Variants in MSL1 observed in about 807,000 individuals in gnomAD.
MSL1 encodes the protein male-specific lethal 1 homolog.
Under a neutral mutation model 64.6 loss-of-function variants are expected in MSL1, and 21 were observed. The observed-to-expected ratio is 0.33, with a 90% CI of 0.23 to 0.47. The LOEUF (loss-of-function observed/expected upper bound fraction) is 0.47, where lower values mean the gene tolerates loss of function less well. Ranked by LOEUF, MSL1 falls within the 20% of genes least tolerant of loss-of-function variation. MSL1 has a pLI of 1.00. For synonymous variants in MSL1, 339 were observed against 329.6 expected (o/e 1.03, Z -0.31); for missense variants, 664 against 793.2 (o/e 0.84, Z 1.96).
At chr17:40,133,273 T>C in intron 6 of MSL1, 164 bp downstream of exon 6, 2 of 759,522 alleles carry the variant, frequency 2.6e-6, no homozygotes, top group Non-Finnish European at 4.2e-6. Context: ...TTGGAAATGG[T>C]AGTTGTTGCG....
Position 40,122,552 on chromosome 17 carries a change from G to GCAC in MSL1, c.-59_-57dup. 1 of 751,372 alleles carries GCAC rather than the reference G, an allele frequency of 1.3e-6. No individual in the cohort carries two copies. Among genetic ancestry groups the GCAC allele is most frequent in the South Asian group, 4.1e-5 (1 of 24,540 alleles). 46.5% of individuals were successfully genotyped at this position (751,372 alleles called of 1,614,324 possible). A position where few individuals can be genotyped will look rare whatever the true frequency, so the allele number is the denominator to read the frequency against. On this transcript the variant is annotated 5_prime_UTR_variant, in exon 1 of 9. Coordinates refer to ENST00000398532, the MANE Select transcript of MSL1 (RefSeq NM_001365919.1). The surrounding 1 kb of genome is among the most constrained non-coding windows in gnomAD (Gnocchi z 4.2). ...CCCCCCCCTCAGTCCTCGACCCCCC[G>GCAC]CACCTCGCCCCTTCCCCACCCCCTC...
Position 40,122,526 on chromosome 17 carries a change from T to TC in MSL1, c.-79dup, listed in dbSNP as rs560044952. On this transcript the variant is annotated 5_prime_UTR_variant, in exon 1 of 9. Transcript: ENST00000398532. This position sits in a 1 kb window ranked among gnomAD's most constrained non-coding sequence, Gnocchi z 4.2. Reference sequence around the variant, plus strand: ...CTGAGGCGAGCCCGCCAAACTCCCCTCCCCCCCCTCAGTCCTCGACCCCCC... The same window carrying TC: ...CTGAGGCGAGCCCGCCAAACTCCCCTCCCCCCCCCTCAGTCCTCGACCCCCC... 107 of 569,170 alleles carry TC rather than the reference T, an allele frequency of 1.9e-4. No individual in the cohort carries two copies. The highest frequency in any genetic ancestry group is 1.7e-3 in the South Asian group (37 of 21,312). 35.3% of individuals were successfully genotyped at this position (569,170 alleles called of 1,614,324 possible). A position where few individuals can be genotyped will look rare whatever the true frequency, so the allele number is the denominator to read the frequency against.
rs189736422 is a variant in MSL1, at chr17:40,131,512, T to G, written c.1376-25T>G. The G allele has an allele frequency of 9.9e-4, 1,596 of 1,611,002 alleles. No homozygotes were observed. The highest frequency in any genetic ancestry group is 1.3e-3 in the Non-Finnish European group (1,488 of 1,177,392). On this transcript the variant is annotated intron_variant, in intron 3 of 8. Transcript: ENST00000398532. The surrounding 1 kb of genome is among the most constrained non-coding windows in gnomAD (Gnocchi z 4.5). ...GCTTTTTTTCTTTTTACACTGAGAT[T>G]ATTCTTCTTTCCTGCATTATTTAGG...
chr17:40,126,517 C>A, intron 2 of MSL1, 111 bp downstream of exon 2: 12 of 1,030,712 alleles, frequency 1.2e-5, no homozygotes, highest in Non-Finnish European at 1.7e-5. Context: ...TAGAAGTCTT[C>A]TATGCGGAGG....
Position 40,129,582 on chromosome 17 carries a change from T to C in MSL1, c.1330T>C (p.Leu444=), listed in dbSNP as rs772867296. ...CRWHQPPPSP[L]PLRESSPKKE... Reference sequence around the variant, plus strand: ...TTGGCACCAGCCTCCCCCATCACCGTTACCATTACGGGAATCCTCTCCAAA... The same window carrying C: ...TTGGCACCAGCCTCCCCCATCACCGCTACCATTACGGGAATCCTCTCCAAA... Residue 444 remains leucine, a synonymous_variant, in exon 3 of 9, where the codon TTA becomes CTA. Transcript: ENST00000398532. 1 of 1,612,692 alleles carries C rather than the reference T, an allele frequency of 6.2e-7. No homozygotes were observed. The highest frequency in any genetic ancestry group is 1.3e-5 in the African/African-American group (1 of 74,898).
In MSL1 at chr17:40,131,627, G is replaced by A; in HGVS notation, c.1423+43G>A. 1 of 1,580,222 alleles carries A rather than the reference G, an allele frequency of 6.3e-7. No individual in the cohort carries two copies. The highest frequency in any genetic ancestry group is 8.7e-7 in the Non-Finnish European group (1 of 1,149,208). On this transcript the variant is annotated intron_variant, in intron 4 of 8. Transcript: ENST00000398532. This position sits in a 1 kb window ranked among gnomAD's most constrained non-coding sequence, Gnocchi z 4.5. ...TGTGCTGGCTGGGCCTGGGGTGGGG[G>A]TTGGTGGGATGGTGGATGGTTGGGA...
At chr17:40,130,579 T>C (rs1387752938) in intron 3 of MSL1, among the ~76,000 whole-genome samples, 1 of 152,192 alleles carries the variant, frequency 6.6e-6, no homozygotes, top group Admixed American at 6.5e-5. Flanking sequence ...AGGATGGGGA[T>C]AGAAATCCAT....
Position 40,122,544 on chromosome 17 carries a change from G to T in MSL1, c.-69G>T. 1.8e-6 allele frequency: 2 copies of T among 1,092,132 alleles called. No homozygotes were observed. The highest frequency in any genetic ancestry group is 2.4e-6 in the Non-Finnish European group (2 of 843,910). The allele number at this position is 1,092,132 out of a possible 1,614,324, so 67.7% of individuals were successfully genotyped here. On this transcript the variant is annotated 5_prime_UTR_variant, in exon 1 of 9. Transcript: ENST00000398532. This position sits in a 1 kb window ranked among gnomAD's most constrained non-coding sequence, Gnocchi z 4.2. ...ACTCCCCTCCCCCCCCTCAGTCCTCGACCCCCCGCACCTCGCCCCTTCCCC... is the reference window on the plus strand; with the variant it reads ...ACTCCCCTCCCCCCCCTCAGTCCTCTACCCCCCGCACCTCGCCCCTTCCCC...
chr17:40,124,374 T>C (rs547705624), intron 1 of MSL1, among the ~76,000 whole-genome samples: 1 of 151,870 alleles, frequency 6.6e-6, no homozygotes, highest in South Asian at 2.1e-4. Flanking sequence ...CCTTTCTCTC[T>C]CTCTCTCTCT....
In MSL1 at chr17:40,122,646, G is replaced by GCGGCCC; in HGVS notation, c.36_41dup (p.Pro14_Ala15dup). On this transcript the variant is annotated inframe_insertion, in exon 1 of 9. Coordinates refer to ENST00000398532, the MANE Select transcript of MSL1 (RefSeq NM_001365919.1). This position sits in a 1 kb window ranked among gnomAD's most constrained non-coding sequence, Gnocchi z 4.2. Reference sequence around the variant, plus strand: ...GAGATCCGCGGTGTTCAAGGCGGCCGCGGCCCCTGCCGGCGGCAATCCTGA... The same window carrying GCGGCCC: ...GAGATCCGCGGTGTTCAAGGCGGCCGCGGCCCCGGCCCCTGCCGGCGGCAATCCTGA... The GCGGCCC allele has an allele frequency of 6.7e-7, 1 of 1,490,038 alleles. No individual in the cohort carries two copies. The highest frequency in any genetic ancestry group is 8.9e-7 in the Non-Finnish European group (1 of 1,127,180). 92.3% of individuals were successfully genotyped at this position (1,490,038 alleles called of 1,614,324 possible).
rs1298635567 is a variant in MSL1 at position 40,134,379 on chromosome 17, C to G, written c.*10C>G. 1 of 1,551,788 alleles carries G rather than the reference C, an allele frequency of 6.4e-7. No individual in the cohort carries two copies. The highest frequency in any genetic ancestry group is 2.4e-5 in the East Asian group (1 of 41,116). ...GACGTGTAGGAAATAGCTGTGCTGG[C>G]AAGAACCCTGTCTTCAGATAGTTGT... On this transcript the variant is annotated 3_prime_UTR_variant, in exon 9 of 9. Coordinates refer to ENST00000398532, the MANE Select transcript of MSL1 (RefSeq NM_001365919.1).
intron 1 of MSL1, 122 bp from the exon 2 acceptor site, chr17:40,126,061 A>G: frequency 1.3e-6 from 1 of 774,114 alleles, no homozygotes. Flanking sequence ...CTATTTAAAA[A>G]GTTGAGTTGA....
chr17:40,123,823 T>C (rs991260358), intron 1 of MSL1, among the ~76,000 whole-genome samples: 6 of 152,158 alleles, frequency 3.9e-5, no homozygotes. Context: ...TGCTGCAGCA[T>C]CTTTAGATAG....
At chr17:40,130,115 T>G (rs529141821) in intron 3 of MSL1, 4 of 153,426 alleles carry the variant, frequency 2.6e-5, no homozygotes, top group African/African-American at 9.6e-5. Context: ...GCTCTTTAAC[T>G]ATATAAACAT....
chr17:40,134,201 C>T (rs1038234012), intron 8 of MSL1, 78 bp from the exon 9 acceptor site: 33 of 1,313,940 alleles, frequency 2.5e-5, no homozygotes, highest in Non-Finnish European at 3.5e-5. Flanking sequence ...GACATAGTGA[C>T]TTTTTTGTAG....
chr17:40,124,924 C>T (rs1464743315), intron 1 of MSL1: 3 of 152,154 alleles, frequency 2.0e-5, no homozygotes, highest in Non-Finnish European at 4.4e-5. Flanking sequence ...GATAGAGTGT[C>T]AGTCTGAACT....
At chr17:40,127,110 G>A (rs917790318) in intron 2 of MSL1, among the ~76,000 whole-genome samples, 1 of 152,118 alleles carries the variant, frequency 6.6e-6, no homozygotes, top group Admixed American at 6.5e-5. Flanking sequence ...GGTGGGGAAG[G>A]AGTATGGAAC....
chr17:40,123,464 A>G, intron 1 of MSL1, 84 bp downstream of exon 1: 1 of 1,380,526 alleles, frequency 7.2e-7, no homozygotes, highest in South Asian at 1.3e-5. Context: ...AGGTTAAGGC[A>G]CCCCCGGGTT....
chr17:40,131,869 G>C lies in MSL1; in HGVS notation c.1424-165G>C, dbSNP rs1988444166. The C allele has an allele frequency of 1.6e-6, 1 of 622,136 alleles. No homozygotes were observed. Among genetic ancestry groups the C allele is most frequent in the Non-Finnish European group, 2.8e-6 (1 of 354,786 alleles). The allele number at this position is 622,136 out of a possible 1,614,324, so 38.5% of individuals were successfully genotyped here. ...TTAGGTTCTTTTATACCATAGCAAG[G>C]ACACTGAATATGGCTTCAGGGAGGC... On this transcript the variant is annotated intron_variant, in intron 4 of 8. Coordinates refer to ENST00000398532, the MANE Select transcript of MSL1 (RefSeq NM_001365919.1). The surrounding 1 kb of genome is among the most constrained non-coding windows in gnomAD (Gnocchi z 4.5).
Sources: allele counts gnomAD v4.1 joint callset (sites outside exome capture counted in the v4.1 genomes callset), GRCh38; gene constraint gnomAD v4.1.1; non-coding constraint Gnocchi (gnomAD v3.1); transcripts MANE v1.5; gene names NCBI Gene and HGNC (gene_info 2026-07-23, HGNC 2026-07-21).